Variants in PMFBP1 observed in about 807,000 individuals in gnomAD.
PMFBP1 encodes the protein polyamine-modulated factor 1-binding protein 1.
Under a neutral mutation model 137.8 loss-of-function variants are expected in PMFBP1, and 131 were observed. The observed-to-expected ratio is 0.95, with a 90% CI of 0.82 to 1.10. The LOEUF is 1.10. Among genes scored for constraint, PMFBP1 ranks in the 50% least tolerant of loss-of-function variants. The pLI is 0.00. For missense variants in PMFBP1, 1,199 were observed against 1,175.4 expected (o/e 1.02, Z -0.29); for synonymous variants, 490 against 450.4 (o/e 1.09, Z -1.11).
the PMFBP1 span, among the ~76,000 whole-genome samples, chr16:72,232,713 A>G: frequency 6.6e-6 from 1 of 152,134 alleles, no homozygotes; most frequent in East Asian, 1.9e-4. Flanking sequence ...TCAAACTTCA[A>G]TTTGAGGGGA....
the PMFBP1 span, among the ~76,000 whole-genome samples, chr16:72,208,194 C>T: frequency 1.3e-5 from 2 of 152,182 alleles, no homozygotes; most frequent in African/African-American, 4.8e-5. Flanking sequence ...GTCTGGGCAC[C>T]CTGTAGCCCA....
downstream of PMFBP1, among the ~76,000 whole-genome samples, chr16:72,118,094 G>T (rs566758597): frequency 6.6e-6 from 1 of 152,184 alleles, no homozygotes; most frequent in Non-Finnish European, 1.5e-5. Context: ...TTTGGCCAAC[G>T]TATATGAAAT....
chr16:72,146,079 A>C (rs1488304408), intron 5 of PMFBP1, among the ~76,000 whole-genome samples: 14 of 152,222 alleles, frequency 9.2e-5, no homozygotes, highest in Admixed American at 7.9e-4. Flanking sequence ...AAAAAAAGAG[A>C]ATTTTAGACC....
chr16:72,217,180 A>G, the PMFBP1 span, among the ~76,000 whole-genome samples: 1 of 152,224 alleles, frequency 6.6e-6, no homozygotes, highest in African/African-American at 2.4e-5. Flanking sequence ...AGGGAAGGGT[A>G]TGCTGGTAAG....
At chr16:72,171,521 T>C (rs2043220323) in intron 1 of PMFBP1, 1 of 381,586 alleles carries the variant, frequency 2.6e-6, no homozygotes, top group Non-Finnish European at 4.8e-6. Context: ...GAATTTACCC[T>C]TCTTGGAAAG....
intron 9 of PMFBP1, among the ~76,000 whole-genome samples, chr16:72,133,478 C>T (rs1053916520): frequency 2.6e-5 from 4 of 152,076 alleles, no homozygotes; most frequent in Non-Finnish European, 5.9e-5. Context: ...CGTACCCAGC[C>T]GTTTATTATC....
rs139406797 is a variant in PMFBP1 at position 72,139,360 on chromosome 16, C to T, written c.847G>A (p.Asp283Asn). 85 of 1,613,962 alleles carry T rather than the reference C, an allele frequency of 5.3e-5. No individual in the cohort carries two copies. The highest frequency in any genetic ancestry group is 6.4e-5 in the Non-Finnish European group (76 of 1,180,022). Residue 283 changes from aspartate to asparagine, a missense_variant, in exon 7 of 21, where the codon GAT (aspartate) becomes AAT (asparagine). Asp to Asn is a conservative substitution (Grantham distance 23, BLOSUM62 1). Coordinates refer to ENST00000237353, the MANE Select transcript of PMFBP1 (RefSeq NM_031293.3). Reference protein sequence around the residue: ...REKALIKLQADFASCTATHRY... With the variant: ...REKALIKLQANFASCTATHRY... ...TGGGTGGCTGTACAGGAAGCAAAAT[C>T]GGCTTGTAGTTTTATCAAAGCCTTT...
intron 6 of PMFBP1, among the ~76,000 whole-genome samples, 156 bp from the exon 7 acceptor site, chr16:72,139,555 T>G (rs1468627627): frequency 6.6e-6 from 1 of 152,212 alleles, no homozygotes; most frequent in Non-Finnish European, 1.5e-5. Context: ...GGAGAAGGAA[T>G]TAAGCTCCCC....
chr16:72,171,360 A>G (rs1441105977), intron 1 of PMFBP1, 92 bp from the exon 2 acceptor site: 8 of 823,194 alleles, frequency 9.7e-6, no homozygotes, highest in Non-Finnish European at 1.5e-5. Context: ...CCTCAGCAAG[A>G]GGTTTGGAAA....
At chr16:72,169,197 A>G (rs557770419) in intron 2 of PMFBP1, among the ~76,000 whole-genome samples, 1 of 152,342 alleles carries the variant, frequency 6.6e-6, no homozygotes, top group African/African-American at 2.4e-5. Flanking sequence ...ATCTTCAATA[A>G]TCAATGGGAA....
the PMFBP1 span, among the ~76,000 whole-genome samples, chr16:72,198,996 T>C: frequency 6.6e-6 from 1 of 152,240 alleles, no homozygotes; most frequent in Non-Finnish European, 1.5e-5. Flanking sequence ...ATTTGTCTTA[T>C]TCACTTCCAA....
In PMFBP1 at chr16:72,130,516, A is replaced by G; in HGVS notation, c.1637+17T>C. ...GTGACAGAACCTCTCTCTGGAGGGGAGCCTGAGCCTGGGCACCTGTTGGAG... is the reference window on the plus strand; with the variant it reads ...GTGACAGAACCTCTCTCTGGAGGGGGGCCTGAGCCTGGGCACCTGTTGGAG... On this transcript the variant is annotated intron_variant, in intron 11 of 20. Coordinates refer to ENST00000237353, the MANE Select transcript of PMFBP1 (RefSeq NM_031293.3). 1 of 1,613,606 alleles carries G rather than the reference A, an allele frequency of 6.2e-7. No individual in the cohort carries two copies. The highest frequency in any genetic ancestry group is 8.5e-7 in the Non-Finnish European group (1 of 1,179,744).
At chr16:72,138,843 GTT>G in intron 7 of PMFBP1, among the ~76,000 whole-genome samples, 1 of 147,250 alleles carries the variant, frequency 6.8e-6, no homozygotes, top group Non-Finnish European at 1.5e-5. Context: ...TGTTTACATG[GTT>G]TAACTGCTCA....
intron 9 of PMFBP1, among the ~76,000 whole-genome samples, chr16:72,135,388 GTTT>G (rs1374677951): frequency 8.2e-5 from 11 of 134,412 alleles, no homozygotes; most frequent in African/African-American, 2.1e-4. Flanking sequence ...TGTTGTTGTT[GTTT>G]TTTTAAGTAG....
the PMFBP1 span, among the ~76,000 whole-genome samples, chr16:72,183,283 C>G: frequency 6.6e-6 from 1 of 152,174 alleles, no homozygotes; most frequent in Non-Finnish European, 1.5e-5. Context: ...TATTAGTTGC[C>G]TAGGGCTACT....
At chr16:72,192,826 C>T in the PMFBP1 span, among the ~76,000 whole-genome samples, 5 of 150,012 alleles carry the variant, frequency 3.3e-5, 1 homozygote, top group East Asian at 5.9e-4. Flanking sequence ...CGCTTGAACT[C>T]GGGAGGCGAA....
downstream of PMFBP1, among the ~76,000 whole-genome samples, chr16:72,118,182 G>T (rs1430194837): frequency 6.6e-6 from 1 of 152,210 alleles, no homozygotes; most frequent in Non-Finnish European, 1.5e-5. Context: ...ACTTTAGTTT[G>T]AATAAAGCAA....
In PMFBP1 at chr16:72,128,656, C is replaced by G; in HGVS notation, c.2088+1G>C. 6.2e-7 allele frequency: 1 copy of G among 1,614,112 alleles called. No individual in the cohort carries two copies. Among genetic ancestry groups the G allele is most frequent in the Non-Finnish European group, 8.5e-7 (1 of 1,180,016 alleles). ...CTCCCTTGGGGTTCCTGTCTACTCA[C>G]CTCTTTATTCAAGTCTTGGATGACT... On this transcript the variant is annotated splice_donor_variant, in intron 14 of 20. Transcript: ENST00000237353. LOFTEE classifies it high-confidence loss of function.
chr16:72,243,440 T>C, the PMFBP1 span, among the ~76,000 whole-genome samples: 1 of 152,180 alleles, frequency 6.6e-6, no homozygotes, highest in Non-Finnish European at 1.5e-5. Flanking sequence ...GTATTTTAAC[T>C]GTCATTTGCA....
Sources: gnomAD v4.1 joint callset for allele counts (sites outside exome capture counted in the v4.1 genomes callset) on GRCh38, gnomAD v4.1.1 for gene constraint, MANE v1.5 for transcripts, NCBI Gene and HGNC (gene_info 2026-07-23, HGNC 2026-07-21) for gene names.